ST3GAL2: variants seen among roughly 807,000 people sequenced by gnomAD.
ST3GAL2 encodes the protein ST3 beta-galactoside alpha-2,3-sialyltransferase 2.
ST3GAL2 carries 16 observed loss-of-function variants against 37.5 expected under a neutral mutation model. That is an observed-to-expected ratio of 0.43 (90% confidence interval 0.29 to 0.65). The LOEUF (loss-of-function observed/expected upper bound fraction) is 0.65, where lower values mean the gene tolerates loss of function less well. Ranked by LOEUF, ST3GAL2 falls within the 30% of genes least tolerant of loss-of-function variation. ST3GAL2 has a pLI of 0.17. For synonymous variants in ST3GAL2, 238 were observed against 202.9 expected, an observed-to-expected ratio of 1.17 and a Z score of -1.47; for missense variants, 383 against 487.8, an observed-to-expected ratio of 0.79 and a Z score of 2.02.
rs141999009 is a variant in ST3GAL2, at chr16:70,409,493, G to A, written c.-1003-9960C>T. 3.3e-3 allele frequency among the ~76,000 whole-genome samples: 506 copies of A among 152,150 alleles called. 3 individuals carry two copies. Among genetic ancestry groups the A allele is most frequent in the East Asian group, 0.029 (148 of 5,152 alleles). On this transcript the variant is annotated intron_variant, in intron 1 of 6. Coordinates refer to ENST00000342907, the MANE Select transcript of ST3GAL2 (RefSeq NM_006927.4). ...TGAGTAGCTGGGATTACAGGCATGC[G>A]CCACCATGCCTGGCTAATTTTGTAT...
Position 70,388,964 on chromosome 16 carries a change from A to T in ST3GAL2, c.534-418T>A, listed in dbSNP as rs144637515. On this transcript the variant is annotated intron_variant, in intron 3 of 6. Transcript: ENST00000342907. ...GTGGCATGTACCTGTAATCCCAGCA[A>T]CCTGGGAGACTGAGGCAGGTGATGT... 7.3e-5 allele frequency among the ~76,000 whole-genome samples: 11 copies of T among 150,076 alleles called. No individual in the cohort carries two copies. In the East Asian group the frequency reaches 1.6e-3, roughly 22 times the overall value.
At chr16:70,427,921 G>C (rs1024485231) in intron 1 of ST3GAL2, among the ~76,000 whole-genome samples, 2 of 152,160 alleles carry the variant, frequency 1.3e-5, no homozygotes, top group Non-Finnish European at 2.9e-5. Flanking sequence ...CTTCTTCATA[G>C]GGTAGCCAAA....
intron 5 of ST3GAL2, 89 bp downstream of exon 5, chr16:70,383,099 AGG>A: frequency 6.3e-7 from 1 of 1,589,052 alleles, no homozygotes; most frequent in Non-Finnish European, 8.6e-7. Flanking sequence ...GAGGTTCTGC[AGG>A]GGAAATGGAA....
At chr16:70,406,612 T>C (rs2047593768) in intron 1 of ST3GAL2, among the ~76,000 whole-genome samples, 1 of 151,222 alleles carries the variant, frequency 6.6e-6, no homozygotes, top group South Asian at 2.1e-4. Context: ...CAAAACCCCA[T>C]CTCTACTAAA....
Position 70,420,202 on chromosome 16 carries a change from G to C in ST3GAL2, c.-1004+18747C>G, listed in dbSNP as rs150302501. Reference sequence around the variant, plus strand: ...GTGGGAGGATGGAACCAGGTGGGGAGACTTCTATAGTTTCTGCCAAGATCA... The same window carrying C: ...GTGGGAGGATGGAACCAGGTGGGGACACTTCTATAGTTTCTGCCAAGATCA... On this transcript the variant is annotated intron_variant, in intron 1 of 6. Coordinates refer to ENST00000342907, the MANE Select transcript of ST3GAL2 (RefSeq NM_006927.4). 9.2e-5 allele frequency among the ~76,000 whole-genome samples: 14 copies of C among 152,162 alleles called. 1 individual carries two copies. The East Asian group carries it at 2.3e-3, about 25-fold the overall frequency.
In ST3GAL2 at chr16:70,410,535, G is replaced by C. The variant is rs143348917; in HGVS notation, c.-1003-11002C>G. 3.2e-3 allele frequency among the ~76,000 whole-genome samples: 493 copies of C among 151,848 alleles called. 2 individuals are homozygous for C. Among genetic ancestry groups the C allele is most frequent in the African/African-American group, 0.011 (439 of 41,392 alleles). ...CCCAAAGTGCTGGGATTACAGGCGA[G>C]AGCCAACACGCCCGGCCAACCCTCA... is the stretch of plus-strand genomic sequence containing the variant. On this transcript the variant is annotated intron_variant, in intron 1 of 6. Coordinates refer to ENST00000342907, the MANE Select transcript of ST3GAL2 (RefSeq NM_006927.4).
intron 6 of ST3GAL2, among the ~76,000 whole-genome samples, chr16:70,382,504 GA>G (rs1375556541): frequency 1.3e-5 from 2 of 151,970 alleles, no homozygotes; most frequent in African/African-American, 4.8e-5. Context: ...GGCTGGTCTT[GA>G]ACTCCTGACC....
chr16:70,399,030 G>A lies in ST3GAL2; in HGVS notation c.-500C>T, dbSNP rs926290836. The A allele has an allele frequency of 4.9e-6, 2 of 404,266 alleles. No individual in the cohort carries two copies. The highest frequency in any genetic ancestry group is 8.7e-6 in the Non-Finnish European group (2 of 229,324). The allele number at this position is 404,266 out of a possible 1,614,324, so 25.0% of individuals were successfully genotyped here. On this transcript the variant is annotated 5_prime_UTR_variant, in exon 2 of 7. Transcript: ENST00000342907. The stretch of plus-strand genomic sequence containing the variant: ...TCCAATCACAACAGAGAGCACAGGG[G>A]CTTCAGGGGACTTGGGTTCCATGCA...
In ST3GAL2 at chr16:70,398,750, G is replaced by A. The variant is rs1325210509; in HGVS notation, c.-220C>T. 3.3e-6 allele frequency: 2 copies of A among 599,292 alleles called. No homozygotes were observed. The highest frequency in any genetic ancestry group is 4.1e-5 in the South Asian group (2 of 49,176). The allele number at this position is 599,292 out of a possible 1,614,324, so 37.1% of individuals were successfully genotyped here. A position where few individuals can be genotyped will look rare whatever the true frequency, so the allele number is the denominator to read the frequency against. On this transcript the variant is annotated 5_prime_UTR_variant, in exon 2 of 7. Coordinates refer to ENST00000342907, the MANE Select transcript of ST3GAL2 (RefSeq NM_006927.4). ...CTGTCCTGTCCCTGAGTCAGGCGGG[G>A]CCCCTGCTTAGGGCTTCATCGGGTC...
chr16:70,421,934 T>A (rs542109000), intron 1 of ST3GAL2, among the ~76,000 whole-genome samples: 2 of 152,284 alleles, frequency 1.3e-5, no homozygotes, highest in East Asian at 3.9e-4. Context: ...TTTTGTTTGT[T>A]GTTATTGTTT....
chr16:70,390,570 CCT>C (rs2047475967), intron 3 of ST3GAL2, among the ~76,000 whole-genome samples: 1 of 152,106 alleles, frequency 6.6e-6, no homozygotes, highest in Non-Finnish European at 1.5e-5. Flanking sequence ...GCTTTAAGAC[CCT>C]GTCTGCCCTT....
intron 1 of ST3GAL2, among the ~76,000 whole-genome samples, chr16:70,434,476 A>G (rs2047812279): frequency 6.6e-6 from 1 of 152,180 alleles, no homozygotes; most frequent in Non-Finnish European, 1.5e-5. Flanking sequence ...GGGGGCAGAC[A>G]ACCCCAAAGG....
intron 1 of ST3GAL2, among the ~76,000 whole-genome samples, chr16:70,401,540 G>GC (rs2047554872): frequency 1.3e-5 from 2 of 151,950 alleles, no homozygotes; most frequent in South Asian, 4.2e-4. Context: ...AAAATCAAAG[G>GC]CCCCCAAACA....
rs1029035592 is a variant in ST3GAL2 at position 70,376,541 on chromosome 16, T to G, written c.*5148A>C. 5 of 152,214 alleles carry G rather than the reference T, an allele frequency of 3.3e-5. No homozygotes were observed. Among genetic ancestry groups the G allele is most frequent in the Non-Finnish European group, 5.9e-5 (4 of 68,054 alleles). 9.4% of individuals were successfully genotyped at this position (152,214 alleles called of 1,614,324 possible). On this transcript the variant is annotated 3_prime_UTR_variant, in exon 7 of 7. Transcript: ENST00000342907. ...CCTCTTGGATTTTGTGGGTTGGTTG[T>G]TACCCAGGCATAGACTTGCTGCAGG...
At chr16:70,436,457 A>C (rs941842677) in intron 1 of ST3GAL2, among the ~76,000 whole-genome samples, 7 of 135,902 alleles carry the variant, frequency 5.2e-5, no homozygotes, top group Non-Finnish European at 1.1e-4. Flanking sequence ...TCTCAAAAAA[A>C]GAAAAAAAAA....
At position 70,398,963 on chromosome 16, in the gene ST3GAL2, T is replaced by A; in HGVS notation, c.-433A>T. On this transcript the variant is annotated 5_prime_UTR_variant, in exon 2 of 7. Coordinates refer to ENST00000342907, the MANE Select transcript of ST3GAL2 (RefSeq NM_006927.4). ...GTCCTTGTGGTTCATGAGCAGACAA[T>A]GAGGCGGCCCCTCGTTCCCGGCAGC... is the stretch of plus-strand genomic sequence containing the variant. The A allele has an allele frequency of 4.8e-6, 2 of 417,420 alleles. No individual in the cohort carries two copies. The highest frequency in any genetic ancestry group is 8.5e-6 in the Non-Finnish European group (2 of 236,458). 25.9% of individuals were successfully genotyped at this position (417,420 alleles called of 1,614,324 possible). A position where few individuals can be genotyped will look rare whatever the true frequency, so the allele number is the denominator to read the frequency against.
At position 70,381,576 on chromosome 16, in the gene ST3GAL2, C is replaced by T; in HGVS notation, c.*113G>A. 1 of 1,319,792 alleles carries T rather than the reference C, an allele frequency of 7.6e-7. No homozygotes were observed. Among genetic ancestry groups the T allele is most frequent in the Non-Finnish European group, 1.0e-6 (1 of 981,356 alleles). The allele number at this position is 1,319,792 out of a possible 1,614,324, so 81.8% of individuals were successfully genotyped here. On this transcript the variant is annotated 3_prime_UTR_variant, in exon 7 of 7. Coordinates refer to ENST00000342907, the MANE Select transcript of ST3GAL2 (RefSeq NM_006927.4). ...CCCCAGTCTCGTGATTGGCGGGGCA[C>T]AGCAGACGCCCCTGGGCTGCAGCAT...
chr16:70,420,118 C>T (rs1377469413), intron 1 of ST3GAL2, among the ~76,000 whole-genome samples: 1 of 151,414 alleles, frequency 6.6e-6, no homozygotes, highest in Non-Finnish European at 1.5e-5. Context: ...CCTCTGTCCC[C>T]GGGTTCAAAC....
chr16:70,376,217 G>A lies in ST3GAL2; in HGVS notation c.*5472C>T, dbSNP rs1300049099. On this transcript the variant is annotated 3_prime_UTR_variant, in exon 7 of 7. Transcript: ENST00000342907. Reference sequence around the variant, plus strand: ...AAAAGATATCGCAGGAAGGCCCTCCGTGATTCACTTCATATGTTTATGTAT... The same window carrying A: ...AAAAGATATCGCAGGAAGGCCCTCCATGATTCACTTCATATGTTTATGTAT... The A allele has an allele frequency of 6.6e-6, 1 of 152,190 alleles. No individual in the cohort carries two copies. Among genetic ancestry groups the A allele is most frequent in the African/African-American group, 2.4e-5 (1 of 41,438 alleles). The allele number at this position is 152,190 out of a possible 1,614,324, so 9.4% of individuals were successfully genotyped here. A position where few individuals can be genotyped will look rare whatever the true frequency, so the allele number is the denominator to read the frequency against.
Sources: gnomAD v4.1 joint callset for allele counts (sites outside exome capture counted in the v4.1 genomes callset) on GRCh38, gnomAD v4.1.1 for gene constraint, MANE v1.5 for transcripts, NCBI Gene and HGNC (gene_info 2026-07-23, HGNC 2026-07-21) for gene names.